Variants in MPDZ observed in about 807,000 individuals in gnomAD.
MPDZ encodes the protein multiple PDZ domain protein.
A neutral mutation model predicts 239.1 loss-of-function variants in MPDZ; 234 were observed. The ratio of observed to expected loss-of-function variants is 0.98; its 90% CI spans 0.88 to 1.09. The LOEUF (loss-of-function observed/expected upper bound fraction) is 1.09. MPDZ is among the 50% of genes least tolerant of loss of function. The pLI is 0.00. For missense variants in MPDZ, 3,175 were observed against 2,510.0 expected (o/e 1.26, Z -5.66); for synonymous variants, 1,048 against 881.3 (o/e 1.19, Z -3.35).
chr9:13,142,711 T>A (rs1947888098), intron 27 of MPDZ, among the ~76,000 whole-genome samples: 1 of 152,090 alleles, frequency 6.6e-6, no homozygotes, highest in Admixed American at 6.6e-5. Context: ...CCTATAGCAA[T>A]AGAAAACATA....
At chr9:13,262,650 A>C (rs1453837027) in intron 1 of MPDZ, among the ~76,000 whole-genome samples, 1 of 152,030 alleles carries the variant, frequency 6.6e-6, no homozygotes, top group East Asian at 1.9e-4. Context: ...AGCAATCTAA[A>C]AGAGGTTAGG....
At chr9:13,179,681 T>C (rs993211379) in intron 19 of MPDZ, among the ~76,000 whole-genome samples, 13 of 152,180 alleles carry the variant, frequency 8.5e-5, no homozygotes, top group Admixed American at 1.3e-4. Context: ...TTCAAAAGTC[T>C]ATATTAATAT....
intron 21 of MPDZ, among the ~76,000 whole-genome samples, chr9:13,174,770 T>A (rs549547518): frequency 2.6e-4 from 40 of 152,130 alleles, no homozygotes; most frequent in African/African-American, 9.4e-4. Context: ...CTATTAAACA[T>A]AACGTACATA....
At chr9:13,136,906 T>A (rs1946899004) in intron 29 of MPDZ, 103 bp from the exon 30 acceptor site, 1 of 570,576 alleles carries the variant, frequency 1.8e-6, no homozygotes, top group African/African-American at 1.9e-5. Flanking sequence ...TCCTTTAAAA[T>A]ATATTTTATA....
In MPDZ at chr9:13,168,471, A is replaced by T. The variant is rs147599150; in HGVS notation, c.3149T>A (p.Ile1050Asn). The T allele has an allele frequency of 2.5e-6, 4 of 1,613,440 alleles. No homozygotes were observed. Among genetic ancestry groups the T allele is most frequent in the African/African-American group, 2.7e-5 (2 of 74,894 alleles). ...GAISRDGRIA[I>N]GDCILSINEE... Reference sequence around the variant, plus strand: ...ATTAATGGACAAGATGCAGTCCCCAATGGCAATCCGGCCATCTCGACTAAT... The same window carrying T: ...ATTAATGGACAAGATGCAGTCCCCATTGGCAATCCGGCCATCTCGACTAAT... Residue 1050 changes from isoleucine to asparagine, a missense_variant, in exon 22 of 47, where the codon ATT becomes AAT. Coordinates refer to ENST00000319217, the MANE Select transcript of MPDZ (RefSeq NM_001378778.1).
intron 43 of MPDZ, among the ~76,000 whole-genome samples, chr9:13,111,420 G>C (rs60955633): frequency 1.0e-3 from 157 of 152,296 alleles, no homozygotes; most frequent in African/African-American, 3.6e-3. Context: ...TATGTTCTGA[G>C]ACCTATTTGA....
Position 13,159,795 on chromosome 9 carries a change from C to G in MPDZ, c.3360-1685G>C, listed in dbSNP as rs190863720. ...TTCAGATGATTCTATAATCTTGAAT[C>G]CTTTCGCAAACCCCATATATGCTCC... On this transcript the variant is annotated intron_variant, in intron 23 of 46. Coordinates refer to ENST00000319217, the MANE Select transcript of MPDZ (RefSeq NM_001378778.1). Among the ~76,000 whole-genome samples the G allele has an allele frequency of 3.7e-3, 569 of 152,176 alleles. 2 individuals carry two copies. The highest frequency in any genetic ancestry group is 0.013 in the African/African-American group (529 of 41,544).
At position 13,176,369 on chromosome 9, in the gene MPDZ, G is replaced by A. The variant is rs776147925; in HGVS notation, c.2698C>T (p.Leu900=). ...AGATTCTGGGTATATAGTTCCTCCA[G>A]AGACATATGCAGATCAAGTACTGGA... is the stretch of plus-strand genomic sequence containing the variant. The part of the protein sequence containing the change: ...CDPVLDLHMS[L]EELYTQNLLQ... Residue 900 remains leucine (L), a synonymous_variant, in exon 20 of 47, where the codon CTG becomes TTG. Coordinates refer to ENST00000319217, the MANE Select transcript of MPDZ (RefSeq NM_001378778.1). 13 of 1,605,164 alleles carry A rather than the reference G, an allele frequency of 8.1e-6. No individual in the cohort carries two copies. Among genetic ancestry groups the A allele is most frequent in the Non-Finnish European group, 1.1e-5 (13 of 1,175,448 alleles).
intron 25 of MPDZ, among the ~76,000 whole-genome samples, chr9:13,149,722 T>C (rs1948901260): frequency 6.6e-6 from 1 of 152,040 alleles, no homozygotes; most frequent in Non-Finnish European, 1.5e-5. Context: ...GAGTGACTTA[T>C]GAGAGGAGAG....
chr9:13,109,743 G>C (rs527741593), intron 45 of MPDZ, among the ~76,000 whole-genome samples: 1 of 152,158 alleles, frequency 6.6e-6, no homozygotes, highest in African/African-American at 2.4e-5. Context: ...TATCTAGCTA[G>C]TTATCTATCT....
At position 13,160,366 on chromosome 9, in the gene MPDZ, T is replaced by C. The variant is rs111475100; in HGVS notation, c.3360-2256A>G. 6.0e-4 allele frequency among the ~76,000 whole-genome samples: 91 copies of C among 152,258 alleles called. 3 individuals carry two copies. In the South Asian group the frequency reaches 0.018, roughly 30 times the overall value. On this transcript the variant is annotated intron_variant, in intron 23 of 46. Coordinates refer to ENST00000319217, the MANE Select transcript of MPDZ (RefSeq NM_001378778.1). ...TCTGATATCCACAGAAAATATACTT[T>C]CTCTGCAGTGAAGCAGCTAGTCACA...
intron 1 of MPDZ, among the ~76,000 whole-genome samples, chr9:13,269,936 A>G (rs889269697): frequency 2.6e-5 from 4 of 152,226 alleles, no homozygotes; most frequent in African/African-American, 9.6e-5. Flanking sequence ...ATAAGCATGC[A>G]GCAATTCGAT....
chr9:13,211,432 G>C (rs1395883114), intron 10 of MPDZ, among the ~76,000 whole-genome samples: 1 of 152,050 alleles, frequency 6.6e-6, no homozygotes, highest in Non-Finnish European at 1.5e-5. Flanking sequence ...AGTTTAGAAA[G>C]TCCGCTAAAA....
intron 1 of MPDZ, among the ~76,000 whole-genome samples, chr9:13,254,148 A>G (rs1334076550): frequency 6.6e-6 from 1 of 152,216 alleles, no homozygotes; most frequent in Admixed American, 6.5e-5. Context: ...AGAGACCCAA[A>G]ATGAATAAAG....
At chr9:13,200,299 C>T (rs575741434) in intron 12 of MPDZ, among the ~76,000 whole-genome samples, 2 of 151,916 alleles carry the variant, frequency 1.3e-5, no homozygotes, top group Non-Finnish European at 2.9e-5. Context: ...ATAGTGTCTC[C>T]TATTTGTCTC....
At chr9:13,203,223 A>G (rs1251612479) in intron 12 of MPDZ, among the ~76,000 whole-genome samples, 1 of 152,190 alleles carries the variant, frequency 6.6e-6, no homozygotes. Flanking sequence ...TGCAAGGATG[A>G]ACACAGACTA....
At chr9:13,157,245 G>T (rs1949936970) in intron 24 of MPDZ, among the ~76,000 whole-genome samples, 1 of 152,052 alleles carries the variant, frequency 6.6e-6, no homozygotes, top group South Asian at 2.1e-4. Context: ...GTTTGGGGTG[G>T]ATGTCCACTG....
At chr9:13,234,198 T>C (rs948577872) in intron 3 of MPDZ, among the ~76,000 whole-genome samples, 1 of 152,136 alleles carries the variant, frequency 6.6e-6, no homozygotes, top group Admixed American at 6.6e-5. Flanking sequence ...TTTTCAATAA[T>C]AACATTTATA....
At chr9:13,115,201 C>G in intron 40 of MPDZ, 47 bp downstream of exon 40, 1 of 1,534,134 alleles carries the variant, frequency 6.5e-7, no homozygotes, top group East Asian at 2.3e-5. Context: ...TATGTGTCCT[C>G]TTGGCATGCC....
Sources: allele counts gnomAD v4.1 joint callset (sites outside exome capture counted in the v4.1 genomes callset), GRCh38; gene constraint gnomAD v4.1.1; transcripts MANE v1.5; gene names NCBI Gene and HGNC (gene_info 2026-07-23, HGNC 2026-07-21).